IKZF3: variants seen among roughly 807,000 people sequenced by gnomAD.
IKZF3 encodes IKAROS family zinc finger 3.
IKZF3 carries 10 observed loss-of-function variants against 49.0 expected under a neutral mutation model. The ratio of observed to expected loss-of-function variants is 0.20; its 90% confidence interval spans 0.13 to 0.35. The LOEUF (loss-of-function observed/expected upper bound fraction) is 0.35. IKZF3 is among the 10% of genes least tolerant of loss of function. IKZF3 has a pLI of 1.00. For missense variants in IKZF3, 498 were observed against 664.8 expected, an observed-to-expected ratio of 0.75 and a Z score of 2.76; for synonymous variants, 209 against 228.2, an observed-to-expected ratio of 0.92 and a Z score of 0.76.
chr17:39,761,995 G>A lies in IKZF3; in HGVS notation c.*3795C>T, dbSNP rs933791407. 6 of 152,306 alleles carry A rather than the reference G, an allele frequency of 3.9e-5. No individual in the cohort carries two copies. Among genetic ancestry groups the A allele is most frequent in the Non-Finnish European group, 7.3e-5 (5 of 68,124 alleles). 9.4% of individuals were successfully genotyped at this position (152,306 alleles called of 1,614,324 possible). ...GCTGGCATTACAGGCGTGAGCTATC[G>A]CGCCCGGCCCTTTGCATGGGTTTGG... On this transcript the variant is annotated 3_prime_UTR_variant, in exon 8 of 8. Coordinates refer to ENST00000346872, the MANE Select transcript of IKZF3 (RefSeq NM_012481.5).
At chr17:39,861,418 T>C (rs1311539493) in intron 1 of IKZF3, among the ~76,000 whole-genome samples, 1 of 151,946 alleles carries the variant, frequency 6.6e-6, no homozygotes, top group Admixed American at 6.6e-5. Context: ...CATAAGCAAG[T>C]AGAGAATGGG....
chr17:39,835,009 T>C (rs2062226370), intron 1 of IKZF3: 2 of 407,508 alleles, frequency 4.9e-6, no homozygotes, highest in Admixed American at 6.0e-5. Flanking sequence ...CTTCCCATCG[T>C]GGTCTTGATC....
At position 39,842,365 on chromosome 17, in the gene IKZF3, C is replaced by T. The variant is rs148508741; in HGVS notation, c.8-10214G>A. On this transcript the variant is annotated intron_variant, in intron 1 of 7. Coordinates refer to ENST00000346872, the MANE Select transcript of IKZF3 (RefSeq NM_012481.5). ...CCAACATGGCGAAACCCCATCTCTA[C>T]CAGAAATACAAAAATTAGCCAGGCA... is the stretch of plus-strand genomic sequence containing the variant. 7.3e-3 allele frequency among the ~76,000 whole-genome samples: 1,116 copies of T among 152,260 alleles called. 10 individuals are homozygous for T. The highest frequency in any genetic ancestry group is 0.026 in the African/African-American group (1,066 of 41,544).
At chr17:39,822,231 T>A (rs2061828512) in intron 3 of IKZF3, among the ~76,000 whole-genome samples, 2 of 152,196 alleles carry the variant, frequency 1.3e-5, no homozygotes, top group Non-Finnish European at 2.9e-5. Flanking sequence ...ACATTGAATA[T>A]GCCCATTACC....
At chr17:39,793,271 G>A (rs956523077) in intron 3 of IKZF3, among the ~76,000 whole-genome samples, 1 of 152,172 alleles carries the variant, frequency 6.6e-6, no homozygotes, top group Non-Finnish European at 1.5e-5. Flanking sequence ...GGAGAGGAAG[G>A]GTTCTCAGAT....
intron 1 of IKZF3, among the ~76,000 whole-genome samples, chr17:39,852,787 A>T (rs867756650): frequency 2.0e-5 from 3 of 152,060 alleles, no homozygotes; most frequent in Non-Finnish European, 4.4e-5. Context: ...CTGACCAACA[A>T]GGTGAAACCC....
At chr17:39,818,051 C>T (rs542663856) in intron 3 of IKZF3, among the ~76,000 whole-genome samples, 3 of 152,252 alleles carry the variant, frequency 2.0e-5, no homozygotes, top group South Asian at 2.1e-4. Flanking sequence ...CTACAAACCT[C>T]GGGTATATGG....
chr17:39,863,024 C>G (rs138350717), intron 1 of IKZF3, among the ~76,000 whole-genome samples: 138 of 152,142 alleles, frequency 9.1e-4, no homozygotes, highest in Non-Finnish European at 1.8e-3. Context: ...ACAAATTAAT[C>G]ATTTGTAATA....
At chr17:39,802,050 G>A (rs1324969719) in intron 3 of IKZF3, among the ~76,000 whole-genome samples, 1 of 151,616 alleles carries the variant, frequency 6.6e-6, no homozygotes, top group Non-Finnish European at 1.5e-5. Flanking sequence ...GTGAAACCCT[G>A]TCTCTACTAA....
chr17:39,843,370 G>A (rs1345518015), intron 1 of IKZF3, among the ~76,000 whole-genome samples: 3 of 151,828 alleles, frequency 2.0e-5, no homozygotes, highest in Admixed American at 6.6e-5. Flanking sequence ...CTGTAAGTTC[G>A]ATAGTGTTTT....
At chr17:39,829,589 C>A (rs967872933) in intron 2 of IKZF3, 101 bp from the exon 3 acceptor site, 5 of 760,090 alleles carry the variant, frequency 6.6e-6, no homozygotes, top group Non-Finnish European at 1.1e-5. Context: ...TTCACACAAT[C>A]CTTTAGTGAC....
intron 7 of IKZF3, among the ~76,000 whole-genome samples, chr17:39,777,295 C>G (rs1462946803): frequency 6.6e-6 from 1 of 152,132 alleles, no homozygotes; most frequent in Non-Finnish European, 1.5e-5. Flanking sequence ...AATATAATTA[C>G]AAAAGATTAC....
chr17:39,842,182 A>C (rs1003763310), intron 1 of IKZF3, among the ~76,000 whole-genome samples: 4 of 152,166 alleles, frequency 2.6e-5, no homozygotes, highest in Non-Finnish European at 5.9e-5. Context: ...TAACTTCTAA[A>C]TATTATTCTC....
At chr17:39,808,888 A>G (rs182272406) in intron 3 of IKZF3, among the ~76,000 whole-genome samples, 1 of 152,316 alleles carries the variant, frequency 6.6e-6, no homozygotes, top group African/African-American at 2.4e-5. Flanking sequence ...TGTTTGTTCA[A>G]ATGTCGGTGG....
intron 1 of IKZF3, among the ~76,000 whole-genome samples, chr17:39,844,680 T>C (rs1047011839): frequency 1.3e-4 from 20 of 152,068 alleles, no homozygotes; most frequent in African/African-American, 4.3e-4. Context: ...TGGAGTGCAA[T>C]GGTGCGATCT....
In IKZF3 at chr17:39,827,906, T is replaced by G. The variant is rs150505621; in HGVS notation, c.163+1481A>C. Among the ~76,000 whole-genome samples the G allele has an allele frequency of 8.3e-3, 1,265 of 152,308 alleles. 15 individuals are homozygous for G. Among genetic ancestry groups the G allele is most frequent in the African/African-American group, 0.029 (1,209 of 41,568 alleles). Reference sequence around the variant, plus strand: ...GCACAAGTGTGAGGTCACATTGAAATGAGCTAAGGGAGTGTTCCCACTAGG... The same window carrying G: ...GCACAAGTGTGAGGTCACATTGAAAGGAGCTAAGGGAGTGTTCCCACTAGG... On this transcript the variant is annotated intron_variant, in intron 3 of 7. Transcript: ENST00000346872.
chr17:39,841,719 T>A (rs1433679536), intron 1 of IKZF3, among the ~76,000 whole-genome samples: 1 of 152,044 alleles, frequency 6.6e-6, no homozygotes, highest in Non-Finnish European at 1.5e-5. Flanking sequence ...TGGAAGTGGA[T>A]GTACTGGCAT....
Position 39,826,343 on chromosome 17 carries a change from G to A in IKZF3, c.163+3044C>T, listed in dbSNP as rs2061955253. 2.0e-5 allele frequency among the ~76,000 whole-genome samples: 3 copies of A among 152,320 alleles called. No homozygotes were observed. The South Asian group carries it at 6.2e-4, about 32-fold the overall frequency. On this transcript the variant is annotated intron_variant, in intron 3 of 7. Transcript: ENST00000346872. Reference sequence around the variant, plus strand: ...CAGGCATAAGCCACCATGCCTGGCTGTGGATGGTAGTTTTAAGGTAAATGG... The same window carrying A: ...CAGGCATAAGCCACCATGCCTGGCTATGGATGGTAGTTTTAAGGTAAATGG...
chr17:39,829,611 C>A, intron 2 of IKZF3, 123 bp from the exon 3 acceptor site: 1 of 653,024 alleles, frequency 1.5e-6, no homozygotes, highest in East Asian at 2.8e-5. Flanking sequence ...GATAGTACCC[C>A]TTCACACATA....
Sources: allele counts gnomAD v4.1 joint callset (sites outside exome capture counted in the v4.1 genomes callset), GRCh38; gene constraint gnomAD v4.1.1; transcripts MANE v1.5; gene names NCBI Gene and HGNC (gene_info 2026-07-23, HGNC 2026-07-21).